Variants in ZMAT3 observed in about 807,000 individuals in gnomAD.
The protein encoded by ZMAT3 is zinc finger matrin-type 3.
A neutral mutation model predicts 32.3 loss-of-function variants in ZMAT3; 17 were observed. The ratio of observed to expected loss-of-function variants is 0.53; its 90% CI spans 0.36 to 0.79. The LOEUF (loss-of-function observed/expected upper bound fraction) is 0.79. ZMAT3 is among the 30% of genes least tolerant of loss of function. ZMAT3 has a pLI of 0.00. For missense variants in ZMAT3, 329 were observed against 359.7 expected, an observed-to-expected ratio of 0.91 and a Z score of 0.69; for synonymous variants, 120 against 133.1, an observed-to-expected ratio of 0.90 and a Z score of 0.68.
intron 2 of ZMAT3, among the ~76,000 whole-genome samples, chr3:179,059,903 A>C (rs1576874423): frequency 6.6e-6 from 1 of 152,142 alleles, no homozygotes; most frequent in Admixed American, 6.5e-5. Flanking sequence ...GACCGTGTCC[A>C]CCTTTAAACA....
intron 2 of ZMAT3, among the ~76,000 whole-genome samples, chr3:179,053,223 T>C (rs2108572586): frequency 6.6e-6 from 1 of 150,410 alleles, no homozygotes; most frequent in East Asian, 1.9e-4. Flanking sequence ...AGATATAAAA[T>C]TCTATAGATA....
rs1342025554 is a variant in ZMAT3 at position 179,017,554 on chromosome 3, T to C, written c.*7463A>G. The C allele has an allele frequency of 6.6e-6, 1 of 152,184 alleles. No homozygotes were observed. The highest frequency in any genetic ancestry group is 1.5e-5 in the Non-Finnish European group (1 of 68,024). 9.4% of individuals were successfully genotyped at this position (152,184 alleles called of 1,614,324 possible). A position where few individuals can be genotyped will look rare whatever the true frequency, so the allele number is the denominator to read the frequency against. ...CAACAGCATACACAGATCTTAAGCC[T>C]CTGTATGACATTTAGAGAAAATTTT... On this transcript the variant is annotated 3_prime_UTR_variant, in exon 6 of 6. Coordinates refer to ENST00000311417, the MANE Select transcript of ZMAT3 (RefSeq NM_022470.4).
rs1483624359 is a variant in ZMAT3 at position 179,024,324 on chromosome 3, C to G, written c.*693G>C. 1.3e-5 allele frequency: 2 copies of G among 152,210 alleles called. No homozygotes were observed. The highest frequency in any genetic ancestry group is 3.8e-4 in the East Asian group (2 of 5,200). 9.4% of individuals were successfully genotyped at this position (152,210 alleles called of 1,614,324 possible). On this transcript the variant is annotated 3_prime_UTR_variant, in exon 6 of 6. Coordinates refer to ENST00000311417, the MANE Select transcript of ZMAT3 (RefSeq NM_022470.4). ...GTCCTGGGAAAGACCCTAACAGTTT[C>G]TAATAATGTATCCTACTGACAATGC...
rs1227446984 is a variant in ZMAT3, at chr3:179,022,535, A to C, written c.*2482T>G. The stretch of plus-strand genomic sequence containing the variant: ...ACTATAATGTTAAAATTAACCAAAA[A>C]ATTATATTTAGCAGCAAAATGAATA... On this transcript the variant is annotated 3_prime_UTR_variant, in exon 6 of 6. Coordinates refer to ENST00000311417, the MANE Select transcript of ZMAT3 (RefSeq NM_022470.4). The C allele has an allele frequency of 6.6e-6, 1 of 152,048 alleles. No homozygotes were observed. The highest frequency in any genetic ancestry group is 1.5e-5 in the Non-Finnish European group (1 of 67,984). 9.4% of individuals were successfully genotyped at this position (152,048 alleles called of 1,614,324 possible).
chr3:179,025,301 T>A, intron 5 of ZMAT3, 73 bp from the exon 6 acceptor site: 1 of 1,200,416 alleles, frequency 8.3e-7, no homozygotes, highest in Non-Finnish European at 1.2e-6. Flanking sequence ...ATTATCACTG[T>A]AATTTGTAAT....
At position 179,038,409 on chromosome 3, in the gene ZMAT3, C is replaced by T. The variant is rs568642346; in HGVS notation, c.271-7410G>A. ...CAAACTGGGCAAAATGACAAAACCC[C>T]ATCTCTAAAAAAAGAAAAATGAGGC... On this transcript the variant is annotated intron_variant, in intron 2 of 5. Coordinates refer to ENST00000311417, the MANE Select transcript of ZMAT3 (RefSeq NM_022470.4). Among the ~76,000 whole-genome samples the T allele has an allele frequency of 2.6e-5, 4 of 152,138 alleles. No homozygotes were observed. In the South Asian group the frequency reaches 8.3e-4, roughly 32 times the overall value.
intron 2 of ZMAT3, among the ~76,000 whole-genome samples, chr3:179,045,116 G>A (rs1380931142): frequency 6.6e-6 from 1 of 151,960 alleles, no homozygotes; most frequent in East Asian, 1.9e-4. Context: ...GAGAGCAAAG[G>A]ACAAACCTCT....
chr3:179,054,103 T>A (rs112609099), intron 2 of ZMAT3, among the ~76,000 whole-genome samples: 1 of 152,202 alleles, frequency 6.6e-6, no homozygotes, highest in Non-Finnish European at 1.5e-5. Flanking sequence ...TCTAAAATAA[T>A]TCAAACTAAA....
At chr3:179,065,633 ACTC>A (rs1269653323) in intron 2 of ZMAT3, among the ~76,000 whole-genome samples, 1 of 152,156 alleles carries the variant, frequency 6.6e-6, no homozygotes, top group African/African-American at 2.4e-5. Flanking sequence ...AAAGTAAACA[ACTC>A]TTCCTTAAAA....
chr3:179,070,997 G>A (rs1009504400), intron 1 of ZMAT3, among the ~76,000 whole-genome samples: 4 of 152,152 alleles, frequency 2.6e-5, no homozygotes, highest in African/African-American at 7.2e-5. Context: ...CTGTAATTGG[G>A]AATTCTGGAA....
At position 179,038,913 on chromosome 3, in the gene ZMAT3, G is replaced by A. The variant is rs142998551; in HGVS notation, c.271-7914C>T. Among the ~76,000 whole-genome samples the A allele has an allele frequency of 4.3e-3, 658 of 152,364 alleles. 1 individual carries two copies. The highest frequency in any genetic ancestry group is 9.6e-3 in the African/African-American group (399 of 41,580). On this transcript the variant is annotated intron_variant, in intron 2 of 5. Coordinates refer to ENST00000311417, the MANE Select transcript of ZMAT3 (RefSeq NM_022470.4). ...CCGGAAAACAAGGAGATACTCTCCCGTGCCTGGCTTGGCAGGTCCCACGTC... is the reference window on the plus strand; with the variant it reads ...CCGGAAAACAAGGAGATACTCTCCCATGCCTGGCTTGGCAGGTCCCACGTC...
intron 2 of ZMAT3, among the ~76,000 whole-genome samples, chr3:179,061,934 G>C (rs1241770076): frequency 6.6e-6 from 1 of 152,078 alleles, no homozygotes; most frequent in Admixed American, 6.6e-5. Flanking sequence ...GATCAATCTT[G>C]ACAGTGTCAA....
At chr3:179,040,361 C>A (rs891574614) in intron 2 of ZMAT3, among the ~76,000 whole-genome samples, 2 of 152,096 alleles carry the variant, frequency 1.3e-5, no homozygotes, top group African/African-American at 4.8e-5. Context: ...AAAGGGAAAC[C>A]CATCAGACTA....
At chr3:179,037,319 C>T (rs1011383912) in intron 2 of ZMAT3, among the ~76,000 whole-genome samples, 28 of 152,202 alleles carry the variant, frequency 1.8e-4, no homozygotes, top group Non-Finnish European at 1.6e-4. Context: ...TGGGACTCCC[C>T]GGATGAGAGC....
chr3:179,069,713 G>A (rs1055406549), intron 1 of ZMAT3, among the ~76,000 whole-genome samples: 1 of 152,102 alleles, frequency 6.6e-6, no homozygotes, highest in Non-Finnish European at 1.5e-5. Context: ...GGAAATCAGC[G>A]TGATGGGAAA....
Position 179,017,326 on chromosome 3 carries a change from A to G in ZMAT3, c.*7691T>C, listed in dbSNP as rs1319648739. 6.6e-6 allele frequency: 1 copy of G among 152,192 alleles called. No homozygotes were observed. Among genetic ancestry groups the G allele is most frequent in the East Asian group, 1.9e-4 (1 of 5,198 alleles). 9.4% of individuals were successfully genotyped at this position (152,192 alleles called of 1,614,324 possible). A position where few individuals can be genotyped will look rare whatever the true frequency, so the allele number is the denominator to read the frequency against. On this transcript the variant is annotated 3_prime_UTR_variant, in exon 6 of 6. Transcript: ENST00000311417. ...GAAATCAGTACATAAGTGAGGATAC[A>G]CAGCCAAAATGAGCCATCAACAAAA...
At chr3:179,062,805 C>G (rs913150144) in intron 2 of ZMAT3, among the ~76,000 whole-genome samples, 4 of 152,154 alleles carry the variant, frequency 2.6e-5, no homozygotes, top group Non-Finnish European at 5.9e-5. Context: ...AAAAGACTAT[C>G]TCGGGAGAAC....
chr3:179,060,312 G>C (rs1319545322), intron 2 of ZMAT3, among the ~76,000 whole-genome samples: 3 of 151,622 alleles, frequency 2.0e-5, no homozygotes. Context: ...CAATCAAGCA[G>C]AACCATGACA....
At chr3:179,068,909 T>C (rs1040766308) in intron 1 of ZMAT3, among the ~76,000 whole-genome samples, 1 of 152,228 alleles carries the variant, frequency 6.6e-6, no homozygotes, top group Non-Finnish European at 1.5e-5. Flanking sequence ...CCCACATTCC[T>C]ATATGGGACG....
Sources: gnomAD v4.1 joint callset for allele counts (sites outside exome capture counted in the v4.1 genomes callset) on GRCh38, gnomAD v4.1.1 for gene constraint, MANE v1.5 for transcripts, NCBI Gene and HGNC (gene_info 2026-07-23, HGNC 2026-07-21) for gene names.